OR5H1: variants seen among roughly 807,000 people sequenced by gnomAD.
OR5H1 encodes the protein olfactory receptor 5H1.
For missense variants in OR5H1, 378 were observed against 366.8 expected, an observed-to-expected ratio of 1.03 and a Z score of -0.25; for synonymous variants, 124 against 134.4, an observed-to-expected ratio of 0.92 and a Z score of 0.54.
At position 98,132,983 on chromosome 3, in the gene OR5H1, G is replaced by A; in HGVS notation, c.286G>A (p.Glu96Lys). ...LAKSKMISLSECKIQFFSFAI... is the reference protein window; with the variant it reads ...LAKSKMISLSKCKIQFFSFAI... ...TAAGAGTAAGATGATATCTCTCTCTGAATGCAAGATACAGTTTTTTTCGTT... is the reference window on the plus strand; with the variant it reads ...TAAGAGTAAGATGATATCTCTCTCTAAATGCAAGATACAGTTTTTTTCGTT... Residue 96 changes from glutamate (E) to lysine (K), a missense_variant, in exon 2 of 2, where the codon GAA becomes AAA. Transcript: ENST00000641874. 6.2e-7 allele frequency: 1 copy of A among 1,613,542 alleles called. No individual in the cohort carries two copies. The highest frequency in any genetic ancestry group is 8.5e-7 in the Non-Finnish European group (1 of 1,179,652).
rs1407669173 is a variant in OR5H1 at position 98,132,941 on chromosome 3, C to A, written c.244C>A (p.Leu82Met). The change falls in exon 2 of 2, where the codon CTG becomes ATG. Residue 82 changes from leucine to methionine, a missense_variant. Transcript: ENST00000641874. ...ATCATCCACAGTGACCCCAAAGATG[C>A]TGAATAACTTCTTAGCTAAGAGTAA... Reference protein sequence around the residue: ...WISSTVTPKMLNNFLAKSKMI... With the variant: ...WISSTVTPKMMNNFLAKSKMI... The A allele has an allele frequency of 6.2e-7, 1 of 1,613,456 alleles. No homozygotes were observed. The highest frequency in any genetic ancestry group is 8.5e-7 in the Non-Finnish European group (1 of 1,179,652).
Position 98,133,692 on chromosome 3 carries a change from C to T in OR5H1, c.*53C>T. 2.1e-6 allele frequency: 3 copies of T among 1,434,980 alleles called. No individual in the cohort carries two copies. In the South Asian group the frequency reaches 3.6e-5, roughly 17 times the overall value. The allele number at this position is 1,434,980 out of a possible 1,614,324, so 88.9% of individuals were successfully genotyped here. A position where few individuals can be genotyped will look rare whatever the true frequency, so the allele number is the denominator to read the frequency against. On this transcript the variant is annotated 3_prime_UTR_variant, in exon 2 of 2. Coordinates refer to ENST00000641874, the MANE Select transcript of OR5H1 (RefSeq NM_001005338.2). ...CACAAAATTATGCAAGTTAGAGGTACCTATGTTGTTTCCAGTGTTCAAACA... is the reference window on the plus strand; with the variant it reads ...CACAAAATTATGCAAGTTAGAGGTATCTATGTTGTTTCCAGTGTTCAAACA...
In OR5H1 at chr3:98,137,364, G is replaced by A. The variant is rs1708331954; in HGVS notation, c.*3725G>A. On this transcript the variant is annotated 3_prime_UTR_variant, in exon 2 of 2. Coordinates refer to ENST00000641874, the MANE Select transcript of OR5H1 (RefSeq NM_001005338.2). Reference sequence around the variant, plus strand: ...CTTTTCCGCAAATCTGTTGAGATTAGACAGATACTTTGCATACAGGGATGT... The same window carrying A: ...CTTTTCCGCAAATCTGTTGAGATTAAACAGATACTTTGCATACAGGGATGT... The A allele has an allele frequency of 6.6e-6, 1 of 152,168 alleles. No individual in the cohort carries two copies. Among genetic ancestry groups the A allele is most frequent in the Non-Finnish European group, 1.5e-5 (1 of 68,028 alleles). 9.4% of individuals were successfully genotyped at this position (152,168 alleles called of 1,614,324 possible).
In OR5H1 at chr3:98,134,004, C is replaced by A. The variant is rs753823895; in HGVS notation, c.*365C>A. 41 of 192,692 alleles carry A rather than the reference C, an allele frequency of 2.1e-4. No individual in the cohort carries two copies. Among genetic ancestry groups the A allele is most frequent in the Admixed American group, 6.0e-4 (11 of 18,360 alleles). 11.9% of individuals were successfully genotyped at this position (192,692 alleles called of 1,614,324 possible). A position where few individuals can be genotyped will look rare whatever the true frequency, so the allele number is the denominator to read the frequency against. ...CTACTGAATTACCTGCGATATCCAT[C>A]ATATACCATAACTGAGGCAGATTTG... On this transcript the variant is annotated 3_prime_UTR_variant, in exon 2 of 2. Coordinates refer to ENST00000641874, the MANE Select transcript of OR5H1 (RefSeq NM_001005338.2).
rs1388871317 is a variant in OR5H1 at position 98,133,148 on chromosome 3, G to A, written c.451G>A (p.Gly151Ser). Residue 151 changes from glycine (G) to serine (S), a missense_variant, in exon 2 of 2, where the codon GGT becomes AGT. By Grantham distance (56) the Gly-to-Ser change is moderately conservative (BLOSUM62 0). Transcript: ENST00000641874. ...CCGGCTATTAATCTTGTCATATGTA[G>A]GTGGTATTCTTCATGCTTTAATCCA... Reference protein sequence around the residue: ...CIRLLILSYVGGILHALIHEG... With the variant: ...CIRLLILSYVSGILHALIHEG... 1.9e-6 allele frequency: 3 copies of A among 1,613,182 alleles called. No homozygotes were observed. The highest frequency in any genetic ancestry group is 4.5e-5 in the East Asian group (2 of 44,864).
rs767297086 is a variant in OR5H1, at chr3:98,137,446, C to G, written c.*3807C>G. ...CACACATTAACTAGAATTCTAAACT[C>G]TTAGTAACTTTCTTTTCTGGGATAG... On this transcript the variant is annotated 3_prime_UTR_variant, in exon 2 of 2. Transcript: ENST00000641874. 6.6e-5 allele frequency: 10 copies of G among 152,160 alleles called. No homozygotes were observed. The highest frequency in any genetic ancestry group is 2.0e-4 in the Admixed American group (3 of 15,272). 9.4% of individuals were successfully genotyped at this position (152,160 alleles called of 1,614,324 possible).
intron 1 of OR5H1, 146 bp downstream of exon 1, chr3:98,130,996 T>C (rs553100811): frequency 6.6e-6 from 1 of 152,204 alleles, no homozygotes; most frequent in East Asian, 1.9e-4. Context: ...ACTATTTTTA[T>C]ATTTTAGTTT....
In OR5H1 at chr3:98,133,222, T is replaced by A. The variant is rs62269701; in HGVS notation, c.525T>A (p.His175Gln). The change falls in exon 2 of 2, where the codon CAT becomes CAA. Residue 175 changes from histidine (H) to glutamine (Q), a missense_variant. Coordinates refer to ENST00000641874, the MANE Select transcript of OR5H1 (RefSeq NM_001005338.2). ...RLTFCNSNIV[H>Q]HIYCDTIPLS... Reference sequence around the variant, plus strand: ...CCTTCTGTAACTCCAACATAGTACATCACATTTACTGTGACACTATCCCAT... The same window carrying A: ...CCTTCTGTAACTCCAACATAGTACAACACATTTACTGTGACACTATCCCAT... 1.4e-5 allele frequency: 22 copies of A among 1,588,900 alleles called. No homozygotes were observed. The highest frequency in any genetic ancestry group is 1.9e-5 in the Non-Finnish European group (22 of 1,167,798).
In OR5H1 at chr3:98,138,408, T is replaced by G. The variant is rs1314810013; in HGVS notation, c.*4769T>G. The G allele has an allele frequency of 6.6e-6, 1 of 152,216 alleles. No individual in the cohort carries two copies. The highest frequency in any genetic ancestry group is 2.4e-5 in the African/African-American group (1 of 41,458). The allele number at this position is 152,216 out of a possible 1,614,324, so 9.4% of individuals were successfully genotyped here. ...TCCTAGACGCCAGGCTACCTGCCTTTAGTTTCACTTCTCTTTCCTTTTCTG... is the reference window on the plus strand; with the variant it reads ...TCCTAGACGCCAGGCTACCTGCCTTGAGTTTCACTTCTCTTTCCTTTTCTG... On this transcript the variant is annotated 3_prime_UTR_variant, in exon 2 of 2. Coordinates refer to ENST00000641874, the MANE Select transcript of OR5H1 (RefSeq NM_001005338.2).
rs200338711 is a variant in OR5H1, at chr3:98,133,462, T to C, written c.765T>C (p.Leu255=). The part of the protein sequence containing the change: ...LFSVSLYYGP[L]LFIYVGPASP... ...CTGTCTCTTTATACTATGGACCCCT[T>C]CTCTTCATTTATGTGGGCCCTGCAT... The change falls in exon 2 of 2, where the codon CTT becomes CTC. Residue 255 remains leucine, a synonymous_variant. Transcript: ENST00000641874. 1 of 1,613,426 alleles carries C rather than the reference T, an allele frequency of 6.2e-7. No homozygotes were observed. Among genetic ancestry groups the C allele is most frequent in the Non-Finnish European group, 8.5e-7 (1 of 1,179,590 alleles).
chr3:98,133,089 T>G lies in OR5H1; in HGVS notation c.392T>G (p.Leu131Arg), dbSNP rs189573549. ...DRYVAICKPL[L>R]YPAIMTNGLC... is the part of the protein sequence containing the mutation. ...TATGTAGCCATATGCAAACCTTTAC[T>G]TTATCCAGCCATTATGACCAATGGA... Residue 131 changes from leucine to arginine, a missense_variant, in exon 2 of 2, where the codon CTT (leucine) becomes CGT (arginine). By Grantham distance (102) the Leu-to-Arg change is moderately radical. Transcript: ENST00000641874. 39 of 1,613,638 alleles carry G rather than the reference T, an allele frequency of 2.4e-5. No homozygotes were observed. The East Asian group carries it at 8.5e-4, about 35-fold the overall frequency.
Position 98,134,891 on chromosome 3 carries a change from C to G in OR5H1, c.*1252C>G, listed in dbSNP as rs959569279. 6.6e-6 allele frequency: 1 copy of G among 152,112 alleles called. No individual in the cohort carries two copies. The highest frequency in any genetic ancestry group is 1.5e-5 in the Non-Finnish European group (1 of 67,992). The allele number at this position is 152,112 out of a possible 1,614,324, so 9.4% of individuals were successfully genotyped here. On this transcript the variant is annotated 3_prime_UTR_variant, in exon 2 of 2. Coordinates refer to ENST00000641874, the MANE Select transcript of OR5H1 (RefSeq NM_001005338.2). ...TGTTAGATTGTTTTTTCAAATGGAA[C>G]TCTAACTAATTATATCCCTCTTCAA...
chr3:98,132,938 A>T lies in OR5H1; in HGVS notation c.241A>T (p.Met81Leu), dbSNP rs375598396. 1.9e-5 allele frequency: 30 copies of T among 1,613,478 alleles called. No homozygotes were observed. The African/African-American group carries it at 3.5e-4, about 19-fold the overall frequency. Residue 81 changes from methionine to leucine, a missense_variant, in exon 2 of 2, where the codon ATG becomes TTG. Physicochemically the swap from Met to Leu is conservative, Grantham distance 15. Transcript: ENST00000641874. ...GATATCATCCACAGTGACCCCAAAG[A>T]TGCTGAATAACTTCTTAGCTAAGAG... ...AWISSTVTPK[M>L]LNNFLAKSKM...
At position 98,133,390 on chromosome 3, in the gene OR5H1, T is replaced by A. The variant is rs141861694; in HGVS notation, c.693T>A (p.Asp231Glu). 692 of 1,613,160 alleles carry A rather than the reference T, an allele frequency of 4.3e-4. 4 individuals are homozygous for A. The highest frequency in any genetic ancestry group is 1.1e-3 in the South Asian group (102 of 91,064). ...TCGCAATCTTAAAAAAGAAATCTGA[T>A]AAAGGTGTAAGGAAAGCCTTTTCCA... ...VLFAILKKKS[D>E]KGVRKAFSTC... is the part of the protein sequence containing the mutation. Residue 231 changes from aspartate to glutamate, a missense_variant, in exon 2 of 2, where the codon GAT becomes GAA. Transcript: ENST00000641874.
rs996281292 is a variant in OR5H1, at chr3:98,138,344, C to T, written c.*4705C>T. 1 of 152,138 alleles carries T rather than the reference C, an allele frequency of 6.6e-6. No homozygotes were observed. The highest frequency in any genetic ancestry group is 1.5e-5 in the Non-Finnish European group (1 of 68,032). The allele number at this position is 152,138 out of a possible 1,614,324, so 9.4% of individuals were successfully genotyped here. On this transcript the variant is annotated 3_prime_UTR_variant, in exon 2 of 2. Transcript: ENST00000641874. ...GAGGGGTCGAATTTTAACAACCAGG[C>T]TTAGGTCAGGCAGGCCCAGGCCTGG...
At position 98,132,940 on chromosome 3, in the gene OR5H1, G is replaced by C. The variant is rs1400547363; in HGVS notation, c.243G>C (p.Met81Ile). 1 of 1,613,558 alleles carries C rather than the reference G, an allele frequency of 6.2e-7. No homozygotes were observed. Among genetic ancestry groups the C allele is most frequent in the African/African-American group, 1.3e-5 (1 of 74,976 alleles). ...AWISSTVTPK[M>I]LNNFLAKSKM... ...TATCATCCACAGTGACCCCAAAGAT[G>C]CTGAATAACTTCTTAGCTAAGAGTA... Residue 81 changes from methionine to isoleucine, a missense_variant, in exon 2 of 2, where the codon ATG (methionine) becomes ATC (isoleucine). Transcript: ENST00000641874.
chr3:98,132,490 C>A (rs983506632), intron 1 of OR5H1, among the ~76,000 whole-genome samples, 190 bp from the exon 2 acceptor site: 1 of 152,014 alleles, frequency 6.6e-6, no homozygotes, highest in African/African-American at 2.4e-5. Context: ...AATTACTGCA[C>A]AGTTTCAAAC....
chr3:98,132,643 G>A (rs1430889326), intron 1 of OR5H1, 37 bp from the exon 2 acceptor site: 7 of 1,594,748 alleles, frequency 4.4e-6, no homozygotes, highest in Non-Finnish European at 6.0e-6. Context: ...TAATGCCATT[G>A]CAAATGTTCC....
At position 98,131,086 on chromosome 3, in the gene OR5H1, T is replaced by C. The variant is rs527290205; in HGVS notation, c.-19+236T>C. On this transcript the variant is annotated intron_variant, in intron 1 of 1. Coordinates refer to ENST00000641874, the MANE Select transcript of OR5H1 (RefSeq NM_001005338.2). ...TGCTATTTTGTTAATCTTATTATGA[T>C]GAGTTTATATAAATTAGGGCATTAA... 5.8e-4 allele frequency among the ~76,000 whole-genome samples: 88 copies of C among 152,244 alleles called. 1 individual carries two copies. Among genetic ancestry groups the C allele is most frequent in the Non-Finnish European group, 1.1e-3 (76 of 67,988 alleles).
Sources: allele counts gnomAD v4.1 joint callset (sites outside exome capture counted in the v4.1 genomes callset), GRCh38; gene constraint gnomAD v4.1.1; transcripts MANE v1.5; gene names NCBI Gene and HGNC (gene_info 2026-07-23, HGNC 2026-07-21).